The following SH3TC2 variants were observed in gnomAD, a reference collection of about 807,000 sequenced individuals.
SH3TC2 encodes the protein SH3 domain and tetratricopeptide repeat-containing protein 2.
SH3TC2 carries 87 observed loss-of-function variants against 124.5 expected under a neutral mutation model. That is an observed-to-expected ratio of 0.70 (90% CI 0.59 to 0.84). The LOEUF (loss-of-function observed/expected upper bound fraction) is 0.84, where lower values mean the gene tolerates loss of function less well. Among genes scored for constraint, SH3TC2 ranks in the 40% least tolerant of loss-of-function variants. SH3TC2 has a pLI of 0.00. For missense variants in SH3TC2, 1,536 were observed against 1,566.4 expected, an observed-to-expected ratio of 0.98 and a Z score of 0.33; for synonymous variants, 634 against 628.5, an observed-to-expected ratio of 1.01 and a Z score of -0.13.
At chr5:149,017,726 A>G (rs1180286773) in intron 12 of SH3TC2, among the ~76,000 whole-genome samples, 2 of 152,260 alleles carry the variant, frequency 1.3e-5, no homozygotes, top group Non-Finnish European at 2.9e-5. Context: ...AGGCCCCTCC[A>G]TACAATTCTA....
chr5:149,024,281 T>C (rs987961176), intron 12 of SH3TC2, among the ~76,000 whole-genome samples: 5 of 152,204 alleles, frequency 3.3e-5, no homozygotes, highest in Non-Finnish European at 7.3e-5. Flanking sequence ...AGTTACTCTC[T>C]AATGACTTGG....
In SH3TC2 at chr5:149,040,108, G is replaced by A. The variant is rs1363583503; in HGVS notation, c.805+496C>T. On this transcript the variant is annotated intron_variant, in intron 7 of 16. Coordinates refer to ENST00000515425, the MANE Select transcript of SH3TC2 (RefSeq NM_024577.4). Reference sequence around the variant, plus strand: ...CAGATTACTTAAATTGTGTGTGTGTGTGTATATAATTCATTTATTCAACAA... The same window carrying A: ...CAGATTACTTAAATTGTGTGTGTGTATGTATATAATTCATTTATTCAACAA... Among the ~76,000 whole-genome samples, 3 of 152,168 alleles carry A rather than the reference G, an allele frequency of 2.0e-5. No homozygotes were observed. In the East Asian group the frequency reaches 5.8e-4, roughly 29 times the overall value.
At chr5:149,006,392 G>A in intron 16 of SH3TC2, 1 of 197,218 alleles carries the variant, frequency 5.1e-6, no homozygotes, top group Non-Finnish European at 1.1e-5. Flanking sequence ...ATGTTAATAT[G>A]CACCCACATT....
intron 16 of SH3TC2, among the ~76,000 whole-genome samples, chr5:149,005,579 T>C (rs1443493923): frequency 6.6e-6 from 1 of 152,184 alleles, no homozygotes; most frequent in East Asian, 1.9e-4. Context: ...CCTGAACCAC[T>C]TACTGGGAGC....
rs1354397582 is a variant in SH3TC2 at position 149,002,970 on chromosome 5, T to C, written c.*1741A>G. ...CCAGGAAAGCTTGGACGAGTCAGCG[T>C]TCTGGGATCCAGAGATTCTGATTCA... is the stretch of plus-strand genomic sequence containing the variant. On this transcript the variant is annotated 3_prime_UTR_variant, in exon 17 of 17. Transcript: ENST00000515425. 6.5e-6 allele frequency: 1 copy of C among 153,010 alleles called. No homozygotes were observed. Among genetic ancestry groups the C allele is most frequent in the African/African-American group, 2.4e-5 (1 of 41,468 alleles). 9.5% of individuals were successfully genotyped at this position (153,010 alleles called of 1,614,324 possible). A position where few individuals can be genotyped will look rare whatever the true frequency, so the allele number is the denominator to read the frequency against.
chr5:149,054,600 G>T (rs956840256), intron 1 of SH3TC2, among the ~76,000 whole-genome samples: 22 of 152,174 alleles, frequency 1.4e-4, no homozygotes, highest in African/African-American at 5.3e-4. Flanking sequence ...AGTTTGAACT[G>T]CTTGACATCA....
In SH3TC2 at chr5:148,995,030, T is replaced by C. The variant is rs900238081; in HGVS notation, c.*9681A>G. 1.3e-5 allele frequency among the ~76,000 whole-genome samples: 2 copies of C among 152,166 alleles called. No homozygotes were observed. Among genetic ancestry groups the C allele is most frequent in the African/African-American group, 4.8e-5 (2 of 41,442 alleles). ...GCCTATCCCCTGGATCTTTATTCCATAGAACATTCATCACTGAAGGGATTT... is the reference window on the plus strand; with the variant it reads ...GCCTATCCCCTGGATCTTTATTCCACAGAACATTCATCACTGAAGGGATTT... On this transcript the variant is annotated 3_prime_UTR_variant, in exon 17 of 17. Coordinates refer to ENST00000515425, the MANE Select transcript of SH3TC2 (RefSeq NM_024577.4).
rs978691132 is a variant in SH3TC2 at position 149,029,011 on chromosome 5, C to T, written c.1136-293G>A. Among the ~76,000 whole-genome samples, 26 of 122,508 alleles carry T rather than the reference C, an allele frequency of 2.1e-4. No individual in the cohort carries two copies. In the East Asian group the frequency reaches 6.0e-3, roughly 28 times the overall value. The allele number at this position is 122,508 out of a possible 152,430, so 80.4% of individuals were successfully genotyped here. A position where few individuals can be genotyped will look rare whatever the true frequency, so the allele number is the denominator to read the frequency against. On this transcript the variant is annotated intron_variant, in intron 9 of 16. Transcript: ENST00000515425. Reference sequence around the variant, plus strand: ...GGCTCTATGTCAAGAGGTATGGGTACTGTAGGGGGGTGGGGGGTGGGGACA... The same window carrying T: ...GGCTCTATGTCAAGAGGTATGGGTATTGTAGGGGGGTGGGGGGTGGGGACA...
chr5:149,048,138 C>T (rs1368260747), intron 2 of SH3TC2, 149 bp from the exon 3 acceptor site: 11 of 1,054,710 alleles, frequency 1.0e-5, no homozygotes, highest in East Asian at 2.6e-5. Context: ...CTTAACACTT[C>T]TCGGAGCACT....
chr5:149,004,815 T>G lies in SH3TC2; in HGVS notation c.3763A>C (p.Ser1255Arg). The change falls in exon 17 of 17, where the codon AGC becomes CGC. Residue 1255 changes from serine to arginine, a missense_variant. Ser to Arg is a moderately radical substitution (Grantham distance 110). Around this residue, in one of 3 missense-constraint regions of SH3TC2, gnomAD observed 426 missense variants for 443.5 expected, o/e 0.96. Coordinates refer to ENST00000515425, the MANE Select transcript of SH3TC2 (RefSeq NM_024577.4). ...GDEELQDTIRSRLDNICQSPL... is the reference protein window; with the variant it reads ...GDEELQDTIRRRLDNICQSPL... ...CTCTGGCAGATGTTGTCCAGCCTGC[T>G]CCTAATGGTGTCCTGAAGCTCCTCA... The G allele has an allele frequency of 3.1e-6, 5 of 1,614,084 alleles. No individual in the cohort carries two copies. The highest frequency in any genetic ancestry group is 4.2e-6 in the Non-Finnish European group (5 of 1,180,026).
Position 149,012,694 on chromosome 5 carries a change from G to T in SH3TC2, c.3094C>A (p.Arg1032Ser), listed in dbSNP as rs375603885. The T allele has an allele frequency of 6.2e-7, 1 of 1,614,130 alleles. No homozygotes were observed. The highest frequency in any genetic ancestry group is 1.7e-5 in the Admixed American group (1 of 60,016). ...RSLTCIKESL[R>S]IFIDLGETDK... ...GTCTCCCCCAGGTCAATGAAGATACGCAGGCTCTCCTTGATGCATGTGAGT... is the reference window on the plus strand; with the variant it reads ...GTCTCCCCCAGGTCAATGAAGATACTCAGGCTCTCCTTGATGCATGTGAGT... The change falls in exon 13 of 17, where the codon CGT becomes AGT. Residue 1032 changes from arginine to serine, a missense_variant. This residue lies in a region of SH3TC2 where 426 missense variants were observed against 443.5 expected (regional missense o/e 0.96). Transcript: ENST00000515425.
chr5:149,019,469 T>C (rs537366221), intron 12 of SH3TC2, among the ~76,000 whole-genome samples: 30 of 152,334 alleles, frequency 2.0e-4, no homozygotes, highest in African/African-American at 6.7e-4. Flanking sequence ...ATATCACTTA[T>C]ATTAGTGGTA....
At chr5:149,058,301 T>C (rs914562526) in intron 1 of SH3TC2, among the ~76,000 whole-genome samples, 1 of 152,224 alleles carries the variant, frequency 6.6e-6, no homozygotes, top group Non-Finnish European at 1.5e-5. Flanking sequence ...ACATTTTGTA[T>C]TCCCACCAGC....
rs62380066 is a variant in SH3TC2 at position 149,062,734 on chromosome 5, C to T, written c.52+237G>A. The stretch of plus-strand genomic sequence containing the variant: ...AGGAGCAGTGCTGCTCAGCTCCTGA[C>T]AGAGTAAACTCAAAGGCTCTTTCTT... On this transcript the variant is annotated intron_variant, in intron 1 of 16. Transcript: ENST00000515425. Among the ~76,000 whole-genome samples the T allele has an allele frequency of 0.13, 20,056 of 152,260 alleles. 1,615 individuals are homozygous for T. Among genetic ancestry groups the T allele is most frequent in the South Asian group, 0.27 (1,317 of 4,822 alleles).
chr5:149,062,953 G>GC lies in SH3TC2; in HGVS notation c.52+17dup. ...ACTTTGGCCAAGCCACAGGCCAAGG[G>GC]CCCCCTGGGAAACTCACCTGGGCCC... On this transcript the variant is annotated intron_variant, in intron 1 of 16. Coordinates refer to ENST00000515425, the MANE Select transcript of SH3TC2 (RefSeq NM_024577.4). The GC allele has an allele frequency of 6.3e-7, 1 of 1,578,210 alleles. No individual in the cohort carries two copies. The highest frequency in any genetic ancestry group is 8.6e-7 in the Non-Finnish European group (1 of 1,160,662).
At chr5:149,015,313 C>T (rs1302179847) in intron 12 of SH3TC2, among the ~76,000 whole-genome samples, 1 of 152,242 alleles carries the variant, frequency 6.6e-6, no homozygotes, top group African/African-American at 2.4e-5. Flanking sequence ...AGTCCAGCTT[C>T]CTTGGTTCCT....
chr5:149,054,216 A>C (rs1561774144), intron 1 of SH3TC2, among the ~76,000 whole-genome samples: 1 of 152,210 alleles, frequency 6.6e-6, no homozygotes, highest in Admixed American at 6.5e-5. Flanking sequence ...AATAAAAAGA[A>C]AAAATATTGC....
At chr5:149,051,365 A>C (rs1754553812) in intron 2 of SH3TC2, among the ~76,000 whole-genome samples, 1 of 152,242 alleles carries the variant, frequency 6.6e-6, no homozygotes, top group Non-Finnish European at 1.5e-5. Flanking sequence ...ATATTTACGC[A>C]GAACCTACTA....
rs949898706 is a variant in SH3TC2 at position 149,049,443 on chromosome 5, T to C, written c.152-1454A>G. 2.6e-5 allele frequency among the ~76,000 whole-genome samples: 4 copies of C among 152,274 alleles called. No individual in the cohort carries two copies. The East Asian group carries it at 7.7e-4, about 29-fold the overall frequency. Reference sequence around the variant, plus strand: ...TGGCTTTTCCCTTTAGCAAAATGACTTTTATAGTACCTATCCCACAGGGGT... The same window carrying C: ...TGGCTTTTCCCTTTAGCAAAATGACCTTTATAGTACCTATCCCACAGGGGT... On this transcript the variant is annotated intron_variant, in intron 2 of 16. Coordinates refer to ENST00000515425, the MANE Select transcript of SH3TC2 (RefSeq NM_024577.4).
Sources: allele counts gnomAD v4.1 joint callset (sites outside exome capture counted in the v4.1 genomes callset), GRCh38; gene constraint gnomAD v4.1.1; regional missense constraint gnomAD v4.1.1; transcripts MANE v1.5; gene names NCBI Gene and HGNC (gene_info 2026-07-23, HGNC 2026-07-21).